The following AGBL4 variants were observed in gnomAD, a reference collection of about 807,000 sequenced individuals.
AGBL4 encodes cytosolic carboxypeptidase 6.
In AGBL4, 58 loss-of-function variants were observed where a neutral mutation model predicts 66.4. That is an observed-to-expected ratio of 0.87 (90% CI 0.71 to 1.09). The LOEUF is 1.09. Among genes scored for constraint, AGBL4 ranks in the 50% least tolerant of loss-of-function variants. The pLI is 0.00. For synonymous variants in AGBL4, 234 were observed against 222.9 expected (o/e 1.05, Z -0.44); for missense variants, 579 against 631.0 (o/e 0.92, Z 0.88).
chr1:48,875,600 G>A (rs572376032), intron 5 of AGBL4, among the ~76,000 whole-genome samples: 1 of 152,278 alleles, frequency 6.6e-6, no homozygotes, highest in South Asian at 2.1e-4. Context: ...AGGCATGCAA[G>A]TGTCTTTCAT....
At chr1:49,549,144 C>T (rs1046430502) in intron 3 of AGBL4, among the ~76,000 whole-genome samples, 6 of 151,882 alleles carry the variant, frequency 4.0e-5, no homozygotes, top group African/African-American at 1.5e-4. Context: ...TGTAATATCC[C>T]GTTTCTTTTC....
chr1:50,001,266 G>A (rs770259023), intron 1 of AGBL4, among the ~76,000 whole-genome samples: 23 of 150,914 alleles, frequency 1.5e-4, no homozygotes, highest in Non-Finnish European at 2.7e-4. Flanking sequence ...GCAAATACAC[G>A]TGATATATTT....
intron 4 of AGBL4, among the ~76,000 whole-genome samples, chr1:49,172,528 C>G (rs550617859): frequency 6.6e-6 from 1 of 152,254 alleles, no homozygotes; most frequent in Admixed American, 6.5e-5. Flanking sequence ...GTTAATTTGA[C>G]AGGGACTTAA....
chr1:49,990,215 G>GT (rs1388850011), intron 1 of AGBL4, among the ~76,000 whole-genome samples: 1 of 152,160 alleles, frequency 6.6e-6, no homozygotes, highest in African/African-American at 2.4e-5. Flanking sequence ...GATGGCATTT[G>GT]TTTTTCACAT....
chr1:48,900,209 G>A (rs1651949437), intron 5 of AGBL4, among the ~76,000 whole-genome samples: 2 of 152,032 alleles, frequency 1.3e-5, no homozygotes, highest in Admixed American at 6.6e-5. Flanking sequence ...AGGCTAGAGA[G>A]GAGAGAAGGG....
intron 4 of AGBL4, among the ~76,000 whole-genome samples, chr1:49,156,140 T>C (rs1646425373): frequency 6.6e-6 from 1 of 152,202 alleles, no homozygotes; most frequent in South Asian, 2.1e-4. Context: ...CATGCACTTC[T>C]AGACCACACA....
intron 1 of AGBL4, among the ~76,000 whole-genome samples, chr1:49,893,871 G>A (rs1325855508): frequency 6.6e-6 from 1 of 152,166 alleles, no homozygotes; most frequent in African/African-American, 2.4e-5. Context: ...GGCTTTGAGT[G>A]AACATAGGCA....
chr1:49,468,658 A>C (rs1557969134), intron 3 of AGBL4, among the ~76,000 whole-genome samples: 1 of 151,660 alleles, frequency 6.6e-6, no homozygotes. Context: ...TTTCAGCATT[A>C]TTTTTTTACA....
chr1:48,689,612 A>G (rs1179909369), intron 6 of AGBL4, among the ~76,000 whole-genome samples: 1 of 152,198 alleles, frequency 6.6e-6, no homozygotes, highest in Non-Finnish European at 1.5e-5. Flanking sequence ...GCAGCTGGGA[A>G]ATGGGTATAT....
chr1:49,555,225 G>C (rs1571020951), intron 3 of AGBL4, among the ~76,000 whole-genome samples: 1 of 151,918 alleles, frequency 6.6e-6, no homozygotes, highest in East Asian at 2.0e-4. Context: ...CCTTGAGCTA[G>C]ACACAGAGTG....
intron 3 of AGBL4, among the ~76,000 whole-genome samples, chr1:49,445,243 C>T (rs1189331359): frequency 1.5e-4 from 23 of 151,774 alleles, no homozygotes; most frequent in Admixed American, 1.5e-3. Flanking sequence ...CTATAGGTGA[C>T]TATGTGCTTT....
chr1:49,629,225 T>G (rs940945020), intron 3 of AGBL4, among the ~76,000 whole-genome samples: 7 of 152,328 alleles, frequency 4.6e-5, no homozygotes, highest in African/African-American at 1.7e-4. Context: ...GTGACGGAGA[T>G]AGCATGGCCA....
rs533905027 is a variant in AGBL4, at chr1:49,264,660, C to T, written c.283-18796G>A. On this transcript the variant is annotated intron_variant, in intron 3 of 13. Transcript: ENST00000371839. ...TCCCAGGTGCAAGCAATTCTCCTGCCTCAGCCTCCTGAGTAGCTGGGACTA... is the reference window on the plus strand; with the variant it reads ...TCCCAGGTGCAAGCAATTCTCCTGCTTCAGCCTCCTGAGTAGCTGGGACTA... Among the ~76,000 whole-genome samples the T allele has an allele frequency of 1.1e-3, 168 of 152,234 alleles. 1 individual carries two copies. Among genetic ancestry groups the T allele is most frequent in the African/African-American group, 4.0e-3 (165 of 41,544 alleles).
chr1:49,729,530 C>T (rs1408216262), intron 2 of AGBL4, among the ~76,000 whole-genome samples: 1 of 152,042 alleles, frequency 6.6e-6, no homozygotes, highest in Non-Finnish European at 1.5e-5. Context: ...ATTTTTTCAA[C>T]TTTACAATTG....
chr1:49,107,694 T>TGTGTGAGAGA (rs764451269), intron 4 of AGBL4, among the ~76,000 whole-genome samples: 2 of 113,942 alleles, frequency 1.8e-5, no homozygotes, highest in Admixed American at 8.8e-5. Flanking sequence ...TGTGTGTGTG[T>TGTGTGAGAGA]GAGAGAGAGA....
intron 3 of AGBL4, among the ~76,000 whole-genome samples, chr1:49,609,242 T>G (rs538973307): frequency 6.6e-6 from 1 of 152,188 alleles, no homozygotes; most frequent in African/African-American, 2.4e-5. Flanking sequence ...GGACATATGC[T>G]AGCTTCCTGT....
At chr1:48,707,518 A>T (rs1442760283) in intron 6 of AGBL4, among the ~76,000 whole-genome samples, 4 of 152,074 alleles carry the variant, frequency 2.6e-5, no homozygotes, top group African/African-American at 9.7e-5. Context: ...ATTTTCCAGA[A>T]AGAATTTCTG....
intron 1 of AGBL4, among the ~76,000 whole-genome samples, chr1:49,876,845 T>C (rs1647022912): frequency 6.7e-6 from 1 of 149,864 alleles, no homozygotes; most frequent in Non-Finnish European, 1.5e-5. Flanking sequence ...GACCAGTGGT[T>C]TGTAGTTCTC....
intron 2 of AGBL4, among the ~76,000 whole-genome samples, chr1:49,803,866 A>T (rs892693732): frequency 6.6e-6 from 1 of 152,204 alleles, no homozygotes; most frequent in Non-Finnish European, 1.5e-5. Context: ...TTGGTTATTA[A>T]CACTTCTGAT....
Sources: allele counts gnomAD v4.1 joint callset (sites outside exome capture counted in the v4.1 genomes callset), GRCh38; gene constraint gnomAD v4.1.1; transcripts MANE v1.5; gene names NCBI Gene and HGNC (gene_info 2026-07-23, HGNC 2026-07-21).